The following ZFHX3 variants were observed in gnomAD, a reference collection of about 807,000 sequenced individuals.
The protein encoded by ZFHX3 is zinc finger homeobox 3, also known as zinc finger homeobox protein 3.
In ZFHX3, 42 loss-of-function variants were observed where a neutral mutation model predicts 279.1. The ratio of observed to expected loss-of-function variants is 0.15; its 90% CI spans 0.12 to 0.19. ZFHX3 has a LOEUF of 0.19. ZFHX3 is among the 10% of genes least tolerant of loss of function. ZFHX3 has a pLI of 1.00. For missense variants in ZFHX3, 4,981 were observed against 4,754.0 expected (o/e 1.05, Z -1.40); for synonymous variants, 2,293 against 1,957.8 (o/e 1.17, Z -4.52).
intron 1 of ZFHX3, among the ~76,000 whole-genome samples, chr16:73,771,424 A>C (rs1222131872): frequency 6.6e-6 from 1 of 152,216 alleles, no homozygotes; most frequent in Non-Finnish European, 1.5e-5. Flanking sequence ...GGGCATGGAC[A>C]AATGAGGTCA....
chr16:72,987,435 G>A (rs1401766811), intron 1 of ZFHX3, among the ~76,000 whole-genome samples: 2 of 152,108 alleles, frequency 1.3e-5, no homozygotes, highest in African/African-American at 2.4e-5. Context: ...CAGTGCTCCT[G>A]GTCTCCGTTG....
chr16:73,479,754 G>A (rs1238678307), intron 2 of ZFHX3, among the ~76,000 whole-genome samples: 1 of 152,214 alleles, frequency 6.6e-6, no homozygotes, highest in East Asian at 1.9e-4. Context: ...GGAGGGTCCT[G>A]GAAAGCCTCT....
intron 1 of ZFHX3, among the ~76,000 whole-genome samples, chr16:73,721,175 G>T (rs774613470): frequency 6.6e-6 from 1 of 151,872 alleles, no homozygotes; most frequent in Non-Finnish European, 1.5e-5. Context: ...AGGCTGGCAT[G>T]CAGTGGCGGG....
intron 2 of ZFHX3, among the ~76,000 whole-genome samples, chr16:73,535,722 C>CTTT (rs56867952): frequency 1.3e-4 from 18 of 139,002 alleles, no homozygotes; most frequent in African/African-American, 2.1e-4. Context: ...TGCCCCCTAT[C>CTTT]TTTTTTTTTT....
At chr16:73,452,588 G>A (rs117915373) in intron 3 of ZFHX3, among the ~76,000 whole-genome samples, 38 of 152,268 alleles carry the variant, frequency 2.5e-4, no homozygotes, top group Non-Finnish European at 4.6e-4. Flanking sequence ...ATTAATCAGT[G>A]CATTTTGATA....
intron 7 of ZFHX3, among the ~76,000 whole-genome samples, chr16:72,804,747 T>C (rs1250538816): frequency 6.6e-6 from 1 of 152,152 alleles, no homozygotes; most frequent in East Asian, 1.9e-4. Flanking sequence ...CTTGGTAGAA[T>C]CTGGAGTTAT....
At chr16:73,063,718 A>G (rs1012325672), upstream of ZFHX3, among the ~76,000 whole-genome samples, 1 of 152,042 alleles carries the variant, frequency 6.6e-6, no homozygotes, top group Non-Finnish European at 1.5e-5. Context: ...TCGTGAGGGG[A>G]TGTACACAGT....
intron 4 of ZFHX3, among the ~76,000 whole-genome samples, chr16:72,874,077 G>A (rs2143977399): frequency 6.6e-6 from 1 of 152,230 alleles, no homozygotes; most frequent in Admixed American, 6.5e-5. Flanking sequence ...CCAATGAGAT[G>A]TAAGATAAAG....
chr16:73,685,760 T>C (rs1024560250), intron 1 of ZFHX3, among the ~76,000 whole-genome samples: 2 of 152,202 alleles, frequency 1.3e-5, no homozygotes. Flanking sequence ...TTCCTGTACC[T>C]CTTCCCTAAA....
intron 7 of ZFHX3, among the ~76,000 whole-genome samples, chr16:72,803,030 A>T (rs1336192047): frequency 1.3e-5 from 2 of 152,118 alleles, no homozygotes; most frequent in African/African-American, 4.8e-5. Context: ...TGAAAATGGG[A>T]AAGTAATAAC....
chr16:72,883,399 T>C (rs1173058677), intron 4 of ZFHX3, among the ~76,000 whole-genome samples: 11 of 152,106 alleles, frequency 7.2e-5, no homozygotes, highest in Admixed American at 1.3e-4. Context: ...TGCTAAAATC[T>C]CTATCAACAA....
intron 1 of ZFHX3, among the ~76,000 whole-genome samples, chr16:73,800,530 T>A (rs567346338): frequency 2.6e-5 from 4 of 152,126 alleles, no homozygotes; most frequent in Non-Finnish European, 5.9e-5. Context: ...TATTGTTATT[T>A]ATGTTGTGCT....
At chr16:73,189,158 G>A (rs985215195) in intron 5 of ZFHX3, among the ~76,000 whole-genome samples, 1 of 152,132 alleles carries the variant, frequency 6.6e-6, no homozygotes, top group Non-Finnish European at 1.5e-5. Flanking sequence ...CACCGCGCCC[G>A]CCCACATCTG....
Position 73,448,685 on chromosome 16 carries a change from CGTGTGT to C in ZFHX3, c.-1291+7312_-1291+7317del, listed in dbSNP as rs71156167. Reference sequence around the variant, plus strand: ...AAAGGGGAAGGTGTATATTTATATACGTGTGTGTGTGTGTGTGTGTGTGTGTGTGTG... The same window carrying C: ...AAAGGGGAAGGTGTATATTTATATACGTGTGTGTGTGTGTGTGTGTGTGTG... On this transcript the variant is annotated intron_variant, in intron 3 of 17. Transcript: ENST00000641206. Among the ~76,000 whole-genome samples, 272 of 142,150 alleles carry C rather than the reference CGTGTGT, an allele frequency of 1.9e-3. 2 individuals are homozygous for C. The highest frequency in any genetic ancestry group is 5.7e-3 in the African/African-American group (219 of 38,276). The allele number at this position is 142,150 out of a possible 152,430, so 93.3% of individuals were successfully genotyped here. A position where few individuals can be genotyped will look rare whatever the true frequency, so the allele number is the denominator to read the frequency against.
At chr16:73,097,136 C>A (rs1226381553) in intron 7 of ZFHX3, among the ~76,000 whole-genome samples, 1 of 152,062 alleles carries the variant, frequency 6.6e-6, no homozygotes, top group East Asian at 1.9e-4. Context: ...TCTCTGCAGC[C>A]TCAACCTCCC....
chr16:73,857,986 C>T (rs1347151628), intron 1 of ZFHX3, among the ~76,000 whole-genome samples: 1 of 151,834 alleles, frequency 6.6e-6, no homozygotes, highest in Non-Finnish European at 1.5e-5. Flanking sequence ...GTACCGGCTA[C>T]TCGGGAGGCT....
At chr16:73,706,306 C>T (rs1023379677) in intron 1 of ZFHX3, among the ~76,000 whole-genome samples, 1 of 151,622 alleles carries the variant, frequency 6.6e-6, no homozygotes, top group African/African-American at 2.4e-5. Context: ...CCTAAAGATA[C>T]AAAAAATTAG....
chr16:73,713,640 T>A (rs117312913), intron 1 of ZFHX3, among the ~76,000 whole-genome samples: 5,755 of 151,076 alleles, frequency 0.038, 145 homozygotes, highest in South Asian at 0.069. Context: ...TTTTTTTTTT[T>A]TTTATACTCT....
intron 4 of ZFHX3, among the ~76,000 whole-genome samples, chr16:73,304,980 A>G (rs1813758220): frequency 1.3e-5 from 2 of 152,272 alleles, no homozygotes; most frequent in South Asian, 4.1e-4. Flanking sequence ...TGGAAGATAG[A>G]TTCCAGATTC....
Sources: allele counts gnomAD v4.1 joint callset (sites outside exome capture counted in the v4.1 genomes callset), GRCh38; gene constraint gnomAD v4.1.1; transcripts MANE v1.5; gene names NCBI Gene and HGNC (gene_info 2026-07-23, HGNC 2026-07-21).